Variants in PRR16 observed in about 807,000 individuals in gnomAD.
PRR16 encodes proline rich 16.
In PRR16, 6 loss-of-function variants were observed where a neutral mutation model predicts 18.2. The ratio of observed to expected loss-of-function variants is 0.33; its 90% CI spans 0.18 to 0.65. The LOEUF (loss-of-function observed/expected upper bound fraction) is 0.65. Ranked by LOEUF, PRR16 falls within the 30% of genes least tolerant of loss-of-function variation. The pLI is 0.74. For missense variants in PRR16, 412 were observed against 376.6 expected (o/e 1.09, Z -0.78); for synonymous variants, 151 against 147.8 (o/e 1.02, Z -0.16).
chr5:120,737,877 TG>T, the PRR16 span, among the ~76,000 whole-genome samples: 1 of 152,144 alleles, frequency 6.6e-6, no homozygotes, highest in Non-Finnish European at 1.5e-5. Context: ...TATCCATTTT[TG>T]CTAGGTTATT....
intron 1 of PRR16, among the ~76,000 whole-genome samples, chr5:120,677,644 T>C (rs1374120873): frequency 1.3e-5 from 2 of 152,172 alleles, no homozygotes; most frequent in African/African-American, 2.4e-5. Context: ...AAGTTCCTTT[T>C]TTCTCTCCAT....
At chr5:120,566,831 G>A (rs1752753852) in intron 1 of PRR16, among the ~76,000 whole-genome samples, 1 of 152,090 alleles carries the variant, frequency 6.6e-6, no homozygotes. Context: ...TATTCTCTAT[G>A]AATTCAGTCA....
rs1377468255 is a variant in PRR16 at position 120,682,087 on chromosome 5, G to A, written c.160-3867G>A. Among the ~76,000 whole-genome samples, 3 of 152,284 alleles carry A rather than the reference G, an allele frequency of 2.0e-5. No homozygotes were observed. In the East Asian group the frequency reaches 5.8e-4, roughly 29 times the overall value. ...CATATCATCTCAAAGGCTCTCACAG[G>A]ATAGCTGCTACCTAACTATCCAACC... On this transcript the variant is annotated intron_variant, in intron 1 of 1. Transcript: ENST00000407149.
the PRR16 span, among the ~76,000 whole-genome samples, chr5:120,788,116 C>T: frequency 1.3e-5 from 2 of 151,832 alleles, no homozygotes; most frequent in African/African-American, 2.4e-5. Context: ...TCACTACCGC[C>T]GTGTTCATTT....
chr5:120,627,090 A>C (rs965839718), intron 1 of PRR16, among the ~76,000 whole-genome samples: 1 of 152,070 alleles, frequency 6.6e-6, no homozygotes, highest in African/African-American at 2.4e-5. Flanking sequence ...ACCCAATTTT[A>C]TTATGTTCAG....
the PRR16 span, among the ~76,000 whole-genome samples, chr5:120,709,522 T>C: frequency 6.6e-6 from 1 of 152,130 alleles, no homozygotes; most frequent in Non-Finnish European, 1.5e-5. Flanking sequence ...TTTTTTTAAA[T>C]ATACAATGAA....
At chr5:120,644,309 T>G (rs915146650) in intron 1 of PRR16, among the ~76,000 whole-genome samples, 1 of 152,074 alleles carries the variant, frequency 6.6e-6, no homozygotes, top group African/African-American at 2.4e-5. Context: ...ATTTGTCCTC[T>G]GAAAAGCTCA....
At chr5:120,702,301 G>A in the PRR16 span, among the ~76,000 whole-genome samples, 1 of 151,452 alleles carries the variant, frequency 6.6e-6, no homozygotes, top group Non-Finnish European at 1.5e-5. Flanking sequence ...TTGGGGCGCC[G>A]AGATAAGAGG....
chr5:120,474,597 TA>T (rs1040625269), intron 1 of PRR16, among the ~76,000 whole-genome samples: 29 of 138,342 alleles, frequency 2.1e-4, no homozygotes, highest in South Asian at 2.1e-3. Flanking sequence ...ATCTTTTTTT[TA>T]AAAAAAAAAC....
At chr5:120,511,191 T>C (rs145579859) in intron 1 of PRR16, among the ~76,000 whole-genome samples, 13 of 152,270 alleles carry the variant, frequency 8.5e-5, no homozygotes, top group Middle Eastern at 3.4e-3. Context: ...TAGAATATAA[T>C]TAAAAGCCTG....
chr5:120,569,423 A>G (rs898434164), intron 1 of PRR16, among the ~76,000 whole-genome samples: 4 of 152,172 alleles, frequency 2.6e-5, no homozygotes, highest in Non-Finnish European at 4.4e-5. Flanking sequence ...CAGAATCTGT[A>G]TACTTGAAAT....
At chr5:120,793,863 C>T in the PRR16 span, among the ~76,000 whole-genome samples, 1 of 152,054 alleles carries the variant, frequency 6.6e-6, no homozygotes, top group Non-Finnish European at 1.5e-5. Context: ...CAAACCTGTA[C>T]AACAAATTAC....
At position 120,464,359 on chromosome 5, in the gene PRR16, G is replaced by T. The variant is rs917173071; in HGVS notation, c.-128G>T. 1.5e-5 allele frequency: 16 copies of T among 1,065,518 alleles called. No homozygotes were observed. Among genetic ancestry groups the T allele is most frequent in the East Asian group, 3.1e-5 (1 of 32,352 alleles). The allele number at this position is 1,065,518 out of a possible 1,614,324, so 66.0% of individuals were successfully genotyped here. A position where few individuals can be genotyped will look rare whatever the true frequency, so the allele number is the denominator to read the frequency against. On this transcript the variant is annotated 5_prime_UTR_variant, in exon 1 of 2. Coordinates refer to ENST00000407149, the MANE Select transcript of PRR16 (RefSeq NM_001300783.2). ...CGAGCGCGGAGCGCAGCCACTCGCCGCTGCCCAGGGAGCGCCCAAGATGTG... is the reference window on the plus strand; with the variant it reads ...CGAGCGCGGAGCGCAGCCACTCGCCTCTGCCCAGGGAGCGCCCAAGATGTG...
intron 1 of PRR16, among the ~76,000 whole-genome samples, chr5:120,468,247 T>A (rs991388232): frequency 1.3e-5 from 2 of 152,194 alleles, no homozygotes; most frequent in African/African-American, 4.8e-5. Context: ...ATGGTTAACA[T>A]AAATGGATCA....
rs1486128673 is a variant in PRR16 at position 120,684,442 on chromosome 5, AG to A, written c.160-1511del. ...CCATGTGACAAAGAGCCAACTTCAC[AG>A]TTGATTAAACTTAGACCTAAGTAAG... On this transcript the variant is annotated intron_variant, in intron 1 of 1. Coordinates refer to ENST00000407149, the MANE Select transcript of PRR16 (RefSeq NM_001300783.2). Among the ~76,000 whole-genome samples the A allele has an allele frequency of 4.4e-4, 67 of 152,198 alleles. 1 individual carries two copies. The highest frequency in any genetic ancestry group is 2.6e-4 in the Admixed American group (4 of 15,278).
intron 1 of PRR16, among the ~76,000 whole-genome samples, chr5:120,474,682 T>C (rs766959186): frequency 1.4e-4 from 22 of 152,148 alleles, no homozygotes; most frequent in Admixed American, 2.6e-4. Context: ...AAATATGCCT[T>C]CCAATTTCCA....
chr5:120,548,302 G>T (rs966027287), intron 1 of PRR16, among the ~76,000 whole-genome samples: 1 of 152,000 alleles, frequency 6.6e-6, no homozygotes, highest in African/African-American at 2.4e-5. Context: ...TTTTTTGGAG[G>T]TAGATATGTC....
intron 1 of PRR16, among the ~76,000 whole-genome samples, chr5:120,628,986 A>G (rs1476238863): frequency 3.9e-5 from 6 of 152,044 alleles, no homozygotes; most frequent in Non-Finnish European, 8.8e-5. Flanking sequence ...TAAGCCAGAT[A>G]ATAAGCATAG....
intron 1 of PRR16, among the ~76,000 whole-genome samples, chr5:120,542,433 C>T (rs1353864265): frequency 1.3e-5 from 2 of 151,924 alleles, no homozygotes; most frequent in African/African-American, 4.8e-5. Flanking sequence ...TTAACATTTT[C>T]GTTACATGAT....
Sources: allele counts gnomAD v4.1 joint callset (sites outside exome capture counted in the v4.1 genomes callset), GRCh38; gene constraint gnomAD v4.1.1; transcripts MANE v1.5; gene names NCBI Gene and HGNC (gene_info 2026-07-23, HGNC 2026-07-21).